PHACTR1: variants seen among roughly 807,000 people sequenced by gnomAD.
PHACTR1 encodes the protein phosphatase and actin regulator 1.
Under a neutral mutation model 69.2 loss-of-function variants are expected in PHACTR1, and 16 were observed. That is an observed-to-expected ratio of 0.23 (90% CI 0.16 to 0.35). The LOEUF (loss-of-function observed/expected upper bound fraction) is 0.35. Among genes scored for constraint, PHACTR1 ranks in the 10% least tolerant of loss-of-function variants. PHACTR1 has a pLI of 1.00. For missense variants in PHACTR1, 510 were observed against 734.7 expected, an observed-to-expected ratio of 0.69 and a Z score of 3.54; for synonymous variants, 312 against 284.5, an observed-to-expected ratio of 1.10 and a Z score of -0.97.
chr6:13,109,538 C>G (rs952842494), intron 5 of PHACTR1, among the ~76,000 whole-genome samples: 1 of 151,572 alleles, frequency 6.6e-6, no homozygotes, highest in Admixed American at 6.6e-5. Context: ...AATATTTTTT[C>G]TCTCTGGCTA....
At chr6:13,152,491 G>T (rs1191606680) in intron 5 of PHACTR1, among the ~76,000 whole-genome samples, 1 of 152,174 alleles carries the variant, frequency 6.6e-6, no homozygotes, top group African/African-American at 2.4e-5. Context: ...CTCAGAAGAG[G>T]AGTTTAAAAA....
intron 4 of PHACTR1, among the ~76,000 whole-genome samples, chr6:12,868,261 G>GAAAA (rs60449070): frequency 2.2e-5 from 3 of 136,564 alleles, no homozygotes; most frequent in Non-Finnish European, 3.1e-5. Context: ...ATCTCAAAAA[G>GAAAA]AAAAAAAAAA....
Position 13,182,586 on chromosome 6 carries a change from G to A in PHACTR1, c.564G>A (p.Gln188=), listed in dbSNP as rs1157374830. 1.9e-6 allele frequency: 3 copies of A among 1,613,676 alleles called. No individual in the cohort carries two copies. The highest frequency in any genetic ancestry group is 2.5e-6 in the Non-Finnish European group (3 of 1,179,710). The change falls in exon 7 of 15, where the codon CAG becomes CAA. Residue 188 remains glutamine (Q), a synonymous_variant. Coordinates refer to ENST00000332995, the MANE Select transcript of PHACTR1 (RefSeq NM_030948.6). ...LENGQSLSSS[Q]LSLPALSEME... ...ATGGGCAGTCCCTGAGCTCCAGCCAGCTGTCTCTGCCTGCCCTGTCCGAAA... is the reference window on the plus strand; with the variant it reads ...ATGGGCAGTCCCTGAGCTCCAGCCAACTGTCTCTGCCTGCCCTGTCCGAAA...
At chr6:12,931,689 C>T (rs1251016882) in intron 4 of PHACTR1, among the ~76,000 whole-genome samples, 3 of 151,948 alleles carry the variant, frequency 2.0e-5, no homozygotes, top group African/African-American at 7.3e-5. Context: ...AGCAGAATCA[C>T]ACAAACATTC....
chr6:12,854,050 C>T (rs1050422332), intron 4 of PHACTR1, among the ~76,000 whole-genome samples: 28 of 151,886 alleles, frequency 1.8e-4, no homozygotes, highest in African/African-American at 4.8e-5. Context: ...TATTGACAAC[C>T]CCAGGTGACT....
chr6:13,143,334 C>T (rs1455840309), intron 5 of PHACTR1, among the ~76,000 whole-genome samples: 1 of 152,146 alleles, frequency 6.6e-6, no homozygotes, highest in Non-Finnish European at 1.5e-5. Context: ...GATAGATACC[C>T]ATTTACTCTG....
chr6:12,828,472 G>A (rs965593100), intron 4 of PHACTR1, among the ~76,000 whole-genome samples: 3 of 152,028 alleles, frequency 2.0e-5, no homozygotes, highest in Non-Finnish European at 1.5e-5. Context: ...TATACTCTAT[G>A]GTGGAATTTC....
intron 8 of PHACTR1, 128 bp downstream of exon 8, chr6:13,206,264 G>C (rs2113876035): frequency 1.9e-6 from 2 of 1,045,668 alleles, no homozygotes; most frequent in African/African-American, 1.6e-5. Context: ...ATGTTTGAAA[G>C]TAAAATGAGA....
intron 5 of PHACTR1, among the ~76,000 whole-genome samples, chr6:13,119,009 C>A (rs1818245888): frequency 6.6e-6 from 1 of 152,172 alleles, no homozygotes; most frequent in Admixed American, 6.5e-5. Flanking sequence ...ACATAATAGA[C>A]CCTGAACAAA....
At chr6:12,829,262 A>AG (rs1777148966) in intron 4 of PHACTR1, among the ~76,000 whole-genome samples, 1 of 152,210 alleles carries the variant, frequency 6.6e-6, no homozygotes, top group Non-Finnish European at 1.5e-5. Context: ...GGAAAAAGAG[A>AG]GAAAAACAAC....
chr6:13,077,895 C>T (rs1276648382), intron 5 of PHACTR1, among the ~76,000 whole-genome samples: 1 of 152,064 alleles, frequency 6.6e-6, no homozygotes, highest in Admixed American at 6.6e-5. Context: ...CAAAGATAGC[C>T]TAGAGGTTCT....
intron 7 of PHACTR1, among the ~76,000 whole-genome samples, chr6:13,202,605 G>A (rs377387668): frequency 3.3e-5 from 5 of 151,408 alleles, no homozygotes; most frequent in African/African-American, 1.2e-4. Flanking sequence ...AGCCTCCCAA[G>A]TAGCTGGGAT....
intron 5 of PHACTR1, among the ~76,000 whole-genome samples, chr6:13,083,087 G>T (rs1811673915): frequency 1.3e-5 from 2 of 152,212 alleles, no homozygotes; most frequent in South Asian, 2.1e-4. Flanking sequence ...GGTCTAACGT[G>T]TAAGTCTTTA....
intron 4 of PHACTR1, among the ~76,000 whole-genome samples, chr6:13,027,244 G>GT (rs1801824661): frequency 1.3e-5 from 2 of 152,122 alleles, no homozygotes; most frequent in African/African-American, 2.4e-5. Context: ...ATTTGTTGGG[G>GT]TTTTTTCTTT....
At chr6:12,946,898 C>T (rs747090699) in intron 4 of PHACTR1, among the ~76,000 whole-genome samples, 8 of 149,238 alleles carry the variant, frequency 5.4e-5, no homozygotes, top group Non-Finnish European at 8.9e-5. Flanking sequence ...CTGCAACCTC[C>T]ACCTCCCCGG....
At chr6:12,828,296 G>T (rs183392878) in intron 4 of PHACTR1, among the ~76,000 whole-genome samples, 2 of 152,230 alleles carry the variant, frequency 1.3e-5, no homozygotes, top group East Asian at 3.9e-4. Context: ...AAATAGCATT[G>T]ATTCTTATAC....
At chr6:12,789,744 CT>C (rs755970925) in intron 4 of PHACTR1, among the ~76,000 whole-genome samples, 11 of 151,766 alleles carry the variant, frequency 7.2e-5, no homozygotes, top group Non-Finnish European at 1.3e-4. Context: ...CTTTTTCTTT[CT>C]TTTTTTATTT....
intron 7 of PHACTR1, among the ~76,000 whole-genome samples, chr6:13,195,450 G>T (rs1464311743): frequency 6.6e-6 from 1 of 151,984 alleles, no homozygotes; most frequent in Non-Finnish European, 1.5e-5. Context: ...CTCTATAGCA[G>T]GTGCTGATTA....
At chr6:13,195,712 C>T (rs576013977) in intron 7 of PHACTR1, among the ~76,000 whole-genome samples, 20 of 132,414 alleles carry the variant, frequency 1.5e-4, no homozygotes, top group African/African-American at 5.1e-4. Context: ...GAGCTGAGAT[C>T]GCGCCACTGT....
Sources: allele counts gnomAD v4.1 joint callset (sites outside exome capture counted in the v4.1 genomes callset), GRCh38; gene constraint gnomAD v4.1.1; transcripts MANE v1.5; gene names NCBI Gene and HGNC (gene_info 2026-07-23, HGNC 2026-07-21).